Variants in FOXP2 observed in about 807,000 individuals in gnomAD.
The protein encoded by FOXP2 is forkhead box P2.
Under a neutral mutation model 115.8 loss-of-function variants are expected in FOXP2, and 12 were observed. The observed-to-expected ratio is 0.10, with a 90% CI of 0.07 to 0.17. The LOEUF (loss-of-function observed/expected upper bound fraction) is 0.17, where lower values mean the gene tolerates loss of function less well. Among genes scored for constraint, FOXP2 ranks in the 10% least tolerant of loss-of-function variants. FOXP2 has a pLI of 1.00. For missense variants in FOXP2, 629 were observed against 843.5 expected, an observed-to-expected ratio of 0.75 and a Z score of 3.15; for synonymous variants, 328 against 297.7, an observed-to-expected ratio of 1.10 and a Z score of -1.05.
chr7:114,653,400 G>GGTC, intron 9 of FOXP2: 3 of 167,070 alleles, frequency 1.8e-5, no homozygotes, highest in South Asian at 3.2e-4. Context: ...CCGACTCCGT[G>GGTC]GCAGAGTTCA....
intron 2 of FOXP2, among the ~76,000 whole-genome samples, chr7:114,464,221 A>C (rs1485887297): frequency 2.6e-5 from 4 of 152,172 alleles, no homozygotes; most frequent in Non-Finnish European, 4.4e-5. Flanking sequence ...TAAGACCTCC[A>C]TTTAAACAGA....
intron 2 of FOXP2, among the ~76,000 whole-genome samples, chr7:114,532,392 T>C (rs1430458634): frequency 2.6e-5 from 4 of 151,970 alleles, no homozygotes; most frequent in African/African-American, 4.8e-5. Flanking sequence ...TAACTCATTA[T>C]AATGTCATAT....
chr7:114,676,192 G>A (rs1015307895), intron 16 of FOXP2, among the ~76,000 whole-genome samples: 7 of 149,544 alleles, frequency 4.7e-5, no homozygotes, highest in African/African-American at 1.7e-4. Flanking sequence ...GCCTCCCAAA[G>A]TGCTGGGATT....
chr7:114,336,348 C>A (rs1269047809), intron 2 of FOXP2, among the ~76,000 whole-genome samples: 2 of 150,996 alleles, frequency 1.3e-5, no homozygotes, highest in African/African-American at 4.9e-5. Flanking sequence ...TAACGACATC[C>A]CCAAAATCTT....
At chr7:114,543,389 A>G (rs1799774698) in intron 3 of FOXP2, among the ~76,000 whole-genome samples, 1 of 152,112 alleles carries the variant, frequency 6.6e-6, no homozygotes, top group South Asian at 2.1e-4. Context: ...AAAAATTTCC[A>G]TTTCAAAAAT....
chr7:114,249,077 T>C (rs1362644536), intron 1 of FOXP2, among the ~76,000 whole-genome samples: 2 of 152,200 alleles, frequency 1.3e-5, no homozygotes, highest in Admixed American at 1.3e-4. Flanking sequence ...TTTCATTATA[T>C]GTATAGAATG....
At position 114,405,415 on chromosome 7, in the gene FOXP2, A is replaced by G. The variant is rs764946420; in HGVS notation, c.-10-21087A>G. On this transcript the variant is annotated intron_variant, in intron 2 of 17. Coordinates refer to the FOXP2 transcript ENST00000634411. The stretch of plus-strand genomic sequence containing the variant: ...AATATCTATTAATTACACACTTCCC[A>G]TTTGACGTTCATGTATATTGGACCT... Among the ~76,000 whole-genome samples, 65 of 151,998 alleles carry G rather than the reference A, an allele frequency of 4.3e-4. 2 individuals are homozygous for G. The highest frequency in any genetic ancestry group is 6.8e-3 in the Middle Eastern group (2 of 294).
At chr7:114,530,560 C>T (rs1799095032) in intron 2 of FOXP2, among the ~76,000 whole-genome samples, 1 of 151,788 alleles carries the variant, frequency 6.6e-6, no homozygotes, top group Non-Finnish European at 1.5e-5. Flanking sequence ...CCTTAGCATA[C>T]TCAACATTTT....
At chr7:114,262,737 CTTCT>C (rs1795789098) in intron 1 of FOXP2, among the ~76,000 whole-genome samples, 1 of 152,168 alleles carries the variant, frequency 6.6e-6, no homozygotes, top group South Asian at 2.1e-4. Flanking sequence ...GGCAACATTT[CTTCT>C]TTCTTTCCAC....
upstream of FOXP2, among the ~76,000 whole-genome samples, chr7:114,160,955 G>A (rs922547459): frequency 2.6e-5 from 4 of 152,092 alleles, no homozygotes; most frequent in South Asian, 2.1e-4. Context: ...ATTAGCATAC[G>A]TATTGTTCTA....
intron 1 of FOXP2, among the ~76,000 whole-genome samples, chr7:114,111,391 C>T (rs956833024): frequency 6.6e-6 from 1 of 152,062 alleles, no homozygotes; most frequent in African/African-American, 2.4e-5. Context: ...CCTACCTGCC[C>T]CACCAGCTGA....
chr7:114,110,524 T>C (rs1314242796), intron 1 of FOXP2, among the ~76,000 whole-genome samples: 1 of 152,210 alleles, frequency 6.6e-6, no homozygotes, highest in Non-Finnish European at 1.5e-5. Flanking sequence ...TTATTTATAC[T>C]CTTTACTATT....
chr7:114,180,178 G>A (rs569186551), intron 1 of FOXP2, among the ~76,000 whole-genome samples: 1 of 152,096 alleles, frequency 6.6e-6, no homozygotes, highest in Non-Finnish European at 1.5e-5. Flanking sequence ...CAGAAGTTCT[G>A]AAATGATGTT....
intron 1 of FOXP2, among the ~76,000 whole-genome samples, chr7:114,235,004 TATA>T (rs567928282): frequency 9.5e-4 from 144 of 152,318 alleles, no homozygotes; most frequent in African/African-American, 3.1e-3. Flanking sequence ...TGATCACAGT[TATA>T]ATTACTTGTT....
intron 1 of FOXP2, among the ~76,000 whole-genome samples, chr7:114,119,184 T>C (rs928157411): frequency 8.5e-5 from 13 of 152,144 alleles, no homozygotes; most frequent in Non-Finnish European, 1.8e-4. Context: ...ATTCAGCTCA[T>C]TACCAGAGTC....
chr7:114,548,181 CAG>C (rs1331004687), intron 3 of FOXP2, among the ~76,000 whole-genome samples: 1 of 152,194 alleles, frequency 6.6e-6, no homozygotes, highest in East Asian at 1.9e-4. Flanking sequence ...AATGACAAAA[CAG>C]AAAGGGCAAA....
intron 2 of FOXP2, among the ~76,000 whole-genome samples, chr7:114,329,388 G>A (rs1055292742): frequency 5.3e-5 from 8 of 151,496 alleles, no homozygotes; most frequent in Admixed American, 3.3e-4. Context: ...GCATAGTGGC[G>A]GGTGCCTGTA....
At chr7:114,338,630 T>G (rs1791113015) in intron 2 of FOXP2, among the ~76,000 whole-genome samples, 1 of 151,004 alleles carries the variant, frequency 6.6e-6, no homozygotes, top group Non-Finnish European at 1.5e-5. Context: ...AATGTCAGAT[T>G]AAGACAAAAT....
chr7:114,285,086 C>G (rs1323939287), intron 1 of FOXP2, among the ~76,000 whole-genome samples: 1 of 152,162 alleles, frequency 6.6e-6, no homozygotes, highest in East Asian at 1.9e-4. Flanking sequence ...GTACTAGGCT[C>G]AATACCTGCA....
Sources: allele counts gnomAD v4.1 joint callset (sites outside exome capture counted in the v4.1 genomes callset), GRCh38; gene constraint gnomAD v4.1.1; transcripts MANE v1.5; gene names NCBI Gene and HGNC (gene_info 2026-07-23, HGNC 2026-07-21).